The following MYO3B variants were observed in gnomAD, a reference collection of about 807,000 sequenced individuals.
The protein encoded by MYO3B is myosin IIIB, also known as myosin-IIIb.
MYO3B carries 156 observed loss-of-function variants against 174.6 expected under a neutral mutation model. That is an observed-to-expected ratio of 0.89 (90% confidence interval 0.78 to 1.02). The LOEUF is 1.02. MYO3B is among the 50% of genes least tolerant of loss of function. The probability of loss-of-function intolerance (pLI) is 0.00; values close to 1 mark genes in which losing one functional copy is unlikely to be tolerated. For missense variants in MYO3B, 1,632 were observed against 1,639.4 expected, an observed-to-expected ratio of 1.00 and a Z score of 0.08; for synonymous variants, 563 against 569.1, an observed-to-expected ratio of 0.99 and a Z score of 0.15.
At chr2:170,274,825 A>G (rs910268335) in intron 7 of MYO3B, among the ~76,000 whole-genome samples, 3 of 152,198 alleles carry the variant, frequency 2.0e-5, no homozygotes, top group Admixed American at 1.3e-4. Flanking sequence ...AAGTAAAATA[A>G]TATTTTCTCT....
At chr2:170,572,421 C>CCCA (rs1692497463) in intron 32 of MYO3B, among the ~76,000 whole-genome samples, 1 of 148,966 alleles carries the variant, frequency 6.7e-6, no homozygotes, top group African/African-American at 2.5e-5. Context: ...GAGCAAGACT[C>CCCA]TGTCTCAAAA....
intron 25 of MYO3B, among the ~76,000 whole-genome samples, chr2:170,486,007 G>GGA (rs138105393): frequency 7.4e-4 from 111 of 149,926 alleles, no homozygotes; most frequent in African/African-American, 2.0e-3. Flanking sequence ...AAAGAAAGAG[G>GGA]GAGAGAGAGA....
chr2:170,471,155 A>G (rs1684956423), intron 25 of MYO3B, among the ~76,000 whole-genome samples: 1 of 151,708 alleles, frequency 6.6e-6, no homozygotes, highest in East Asian at 1.9e-4. Context: ...GGTTCAAGCA[A>G]TCTCATGCCT....
At chr2:170,329,912 G>A (rs2093900080) in intron 7 of MYO3B, among the ~76,000 whole-genome samples, 1 of 152,166 alleles carries the variant, frequency 6.6e-6, no homozygotes, top group Admixed American at 6.5e-5. Flanking sequence ...CTCTGTTGCT[G>A]TAGTTAATAC....
intron 8 of MYO3B, among the ~76,000 whole-genome samples, chr2:170,352,308 C>G (rs1031005977): frequency 2.0e-5 from 3 of 152,094 alleles, no homozygotes; most frequent in African/African-American, 7.2e-5. Context: ...GGAAAATTGA[C>G]AGTTAAGCAA....
intron 22 of MYO3B, among the ~76,000 whole-genome samples, chr2:170,423,275 G>T (rs1036289397): frequency 6.6e-6 from 1 of 152,060 alleles, no homozygotes; most frequent in Non-Finnish European, 1.5e-5. Context: ...GAGCCACCGT[G>T]CCCAGCCTAA....
chr2:170,237,724 C>G (rs76782575), intron 7 of MYO3B, among the ~76,000 whole-genome samples: 5 of 152,168 alleles, frequency 3.3e-5, no homozygotes, highest in African/African-American at 1.2e-4. Flanking sequence ...CTGCCTGCCT[C>G]GGGACAGAGT....
chr2:170,519,378 C>T, intron 29 of MYO3B, 60 bp from the exon 30 acceptor site: 2 of 1,431,084 alleles, frequency 1.4e-6, no homozygotes, highest in Admixed American at 3.5e-5. Context: ...TAGATGGGCA[C>T]CAAAAGCTAA....
chr2:170,544,843 C>A (rs1200480136), intron 32 of MYO3B, among the ~76,000 whole-genome samples: 1 of 152,014 alleles, frequency 6.6e-6, no homozygotes, highest in Non-Finnish European at 1.5e-5. Flanking sequence ...ATAAACCCGA[C>A]AAAGGAAATA....
chr2:170,565,253 G>A (rs1691990654), intron 32 of MYO3B, among the ~76,000 whole-genome samples: 1 of 152,178 alleles, frequency 6.6e-6, no homozygotes, highest in Non-Finnish European at 1.5e-5. Context: ...TTTTTGTAGA[G>A]CAATCTGCCA....
chr2:170,462,516 C>T (rs553734543), intron 23 of MYO3B, among the ~76,000 whole-genome samples: 23 of 152,252 alleles, frequency 1.5e-4, no homozygotes, highest in Non-Finnish European at 2.6e-4. Flanking sequence ...CTGCAGACAT[C>T]CTCACCCCAT....
intron 7 of MYO3B, among the ~76,000 whole-genome samples, chr2:170,262,899 C>A (rs2093355856): frequency 6.6e-6 from 1 of 152,114 alleles, no homozygotes; most frequent in Non-Finnish European, 1.5e-5. Context: ...GCACCTAGCA[C>A]CACATTTAAT....
chr2:170,303,388 C>T (rs1465154924), intron 7 of MYO3B, among the ~76,000 whole-genome samples: 3 of 152,134 alleles, frequency 2.0e-5, no homozygotes, highest in Admixed American at 2.0e-4. Context: ...AAAAAATCTC[C>T]ATCCATCTTA....
chr2:170,284,356 A>G (rs751465228), intron 7 of MYO3B, among the ~76,000 whole-genome samples: 6 of 152,164 alleles, frequency 3.9e-5, no homozygotes, highest in Non-Finnish European at 5.9e-5. Context: ...CTATATTCAA[A>G]TGTTTTGACC....
intron 32 of MYO3B, among the ~76,000 whole-genome samples, chr2:170,647,193 A>G (rs1394615375): frequency 6.6e-6 from 1 of 152,180 alleles, no homozygotes; most frequent in Non-Finnish European, 1.5e-5. Flanking sequence ...AGAGTAAAGG[A>G]TTTAGAATTT....
chr2:170,525,189 C>T (rs765508367), intron 30 of MYO3B, among the ~76,000 whole-genome samples: 1 of 152,192 alleles, frequency 6.6e-6, no homozygotes, highest in African/African-American at 2.4e-5. Context: ...CCCATCTGTG[C>T]ATGATGGGAC....
chr2:170,413,683 T>G (rs1445626526), intron 22 of MYO3B, among the ~76,000 whole-genome samples: 2 of 151,400 alleles, frequency 1.3e-5, no homozygotes, highest in African/African-American at 4.8e-5. Context: ...AAATGTAAGG[T>G]TAAGATGTTT....
At chr2:170,502,000 A>G in intron 28 of MYO3B, 135 bp downstream of exon 28, 1 of 625,646 alleles carries the variant, frequency 1.6e-6, no homozygotes. Flanking sequence ...CAGGAGTCCT[A>G]GTGTTCTGAC....
rs56868949 is a variant in MYO3B at position 170,249,674 on chromosome 2, A to G, written c.749+13538A>G. On this transcript the variant is annotated intron_variant, in intron 7 of 34. Coordinates refer to ENST00000408978, the MANE Select transcript of MYO3B (RefSeq NM_138995.5). ...CCTTTGTTCAGTCCAAATGTTGGACAGTCCTGTCTGGTTGGGTTTACAGAT... is the reference window on the plus strand; with the variant it reads ...CCTTTGTTCAGTCCAAATGTTGGACGGTCCTGTCTGGTTGGGTTTACAGAT... Among the ~76,000 whole-genome samples, 1,182 of 152,356 alleles carry G rather than the reference A, an allele frequency of 7.8e-3. 15 individuals are homozygous for G. Among genetic ancestry groups the G allele is most frequent in the African/African-American group, 0.026 (1,100 of 41,590 alleles).
Sources: allele counts gnomAD v4.1 joint callset (sites outside exome capture counted in the v4.1 genomes callset), GRCh38; gene constraint gnomAD v4.1.1; transcripts MANE v1.5; gene names NCBI Gene and HGNC (gene_info 2026-07-23, HGNC 2026-07-21).